The following ROBO1 variants were observed in gnomAD, a reference collection of about 807,000 sequenced individuals.
ROBO1 encodes roundabout homolog 1.
A neutral mutation model predicts 195.9 loss-of-function variants in ROBO1; 149 were observed. The ratio of observed to expected loss-of-function variants is 0.76; its 90% CI spans 0.67 to 0.87. ROBO1 has a LOEUF of 0.87. ROBO1 is among the 40% of genes least tolerant of loss of function. The probability of loss-of-function intolerance (pLI) is 0.00; values close to 1 mark genes in which losing one functional copy is unlikely to be tolerated. For missense variants in ROBO1, 1,933 were observed against 2,068.3 expected (o/e 0.93, Z 1.27); for synonymous variants, 816 against 733.2 (o/e 1.11, Z -1.82).
intron 1 of ROBO1, among the ~76,000 whole-genome samples, chr3:79,717,396 A>T (rs1476631636): frequency 1.3e-5 from 2 of 152,074 alleles, no homozygotes; most frequent in Admixed American, 6.5e-5. Flanking sequence ...AGACAATTGC[A>T]TTTTAGGTTG....
intron 2 of ROBO1, among the ~76,000 whole-genome samples, chr3:79,359,661 C>T (rs191278932): frequency 7.7e-4 from 117 of 151,996 alleles, no homozygotes; most frequent in Admixed American, 2.8e-3. Context: ...AACCAATTAT[C>T]GAAGCCTCAG....
intron 3 of ROBO1, among the ~76,000 whole-genome samples, chr3:78,983,779 G>A (rs979203725): frequency 6.6e-6 from 1 of 152,168 alleles, no homozygotes; most frequent in Admixed American, 6.5e-5. Flanking sequence ...GAGTACTTAA[G>A]TACTTGAGAA....
intron 4 of ROBO1, among the ~76,000 whole-genome samples, chr3:78,857,337 C>T (rs1188015374): frequency 6.6e-6 from 1 of 152,088 alleles, no homozygotes; most frequent in Non-Finnish European, 1.5e-5. Context: ...AATCAGCTGT[C>T]TTAAAAACTT....
chr3:78,984,953 A>G (rs2077073091), intron 3 of ROBO1, among the ~76,000 whole-genome samples: 1 of 152,042 alleles, frequency 6.6e-6, no homozygotes, highest in Non-Finnish European at 1.5e-5. Context: ...CTCCTAGCCT[A>G]CTCATTGTGA....
intron 22 of ROBO1, among the ~76,000 whole-genome samples, chr3:78,638,342 G>A (rs915423597): frequency 6.7e-6 from 1 of 148,922 alleles, no homozygotes; most frequent in Non-Finnish European, 1.5e-5. Flanking sequence ...CACTTAATAT[G>A]TACATATATA....
intron 25 of ROBO1, among the ~76,000 whole-genome samples, chr3:78,628,265 C>G (rs1704944619): frequency 6.6e-6 from 1 of 152,144 alleles, no homozygotes; most frequent in African/African-American, 2.4e-5. Flanking sequence ...AGAAAAATTA[C>G]TCTTAACAAT....
At chr3:78,850,111 A>G (rs556871856) in intron 4 of ROBO1, among the ~76,000 whole-genome samples, 158 of 152,290 alleles carry the variant, frequency 1.0e-3, no homozygotes, top group Non-Finnish European at 1.9e-3. Context: ...GTTCCAGGCT[A>G]TATCACCTAG....
intron 2 of ROBO1, among the ~76,000 whole-genome samples, chr3:79,269,931 A>G (rs889069950): frequency 1.3e-5 from 2 of 151,812 alleles, no homozygotes; most frequent in African/African-American, 2.4e-5. Flanking sequence ...TTTAAATGAT[A>G]CTGAAATAGA....
chr3:78,811,573 G>A (rs1056854577), intron 4 of ROBO1, among the ~76,000 whole-genome samples: 3 of 151,978 alleles, frequency 2.0e-5, no homozygotes, highest in African/African-American at 7.2e-5. Context: ...CCATGTTTTC[G>A]TTTGATGAGC....
rs543096140 is a variant in ROBO1 at position 79,052,383 on chromosome 3, T to A, written c.172+73073A>T. ...ACCCTGTTTCCTGTTAAGATGTTTA[T>A]CAATGACAATGTGTGCTCAGCAGGA... is the stretch of plus-strand genomic sequence containing the variant. On this transcript the variant is annotated intron_variant, in intron 3 of 30. Transcript: ENST00000464233. Among the ~76,000 whole-genome samples, 31 of 152,222 alleles carry A rather than the reference T, an allele frequency of 2.0e-4. No homozygotes were observed. The East Asian group carries it at 5.8e-3, about 29-fold the overall frequency.
At chr3:79,681,301 A>G (rs532881472) in intron 1 of ROBO1, among the ~76,000 whole-genome samples, 1 of 152,100 alleles carries the variant, frequency 6.6e-6, no homozygotes, top group Admixed American at 6.6e-5. Flanking sequence ...CTGGGATATG[A>G]GAGTTACAGA....
At chr3:79,288,788 G>A (rs1261903295) in intron 2 of ROBO1, among the ~76,000 whole-genome samples, 9 of 151,626 alleles carry the variant, frequency 5.9e-5, no homozygotes, top group African/African-American at 1.9e-4. Flanking sequence ...TTTATATCTC[G>A]ACCTTTTTTT....
At chr3:79,188,536 AC>A (rs2108750158) in intron 2 of ROBO1, among the ~76,000 whole-genome samples, 1 of 151,760 alleles carries the variant, frequency 6.6e-6, no homozygotes, top group South Asian at 2.1e-4. Context: ...GTATACATGC[AC>A]CTTTGCACAC....
chr3:78,943,712 C>A (rs1047064338), intron 3 of ROBO1, among the ~76,000 whole-genome samples: 1 of 152,092 alleles, frequency 6.6e-6, no homozygotes, highest in Non-Finnish European at 1.5e-5. Flanking sequence ...TCCCACTGAA[C>A]TTTGCTTCTA....
intron 2 of ROBO1, among the ~76,000 whole-genome samples, chr3:79,251,907 G>T (rs1385836248): frequency 6.6e-6 from 1 of 151,938 alleles, no homozygotes; most frequent in African/African-American, 2.4e-5. Context: ...CCAAGATTGT[G>T]CCATTGCACT....
At chr3:79,367,018 T>A (rs1163502808) in intron 2 of ROBO1, among the ~76,000 whole-genome samples, 1 of 152,188 alleles carries the variant, frequency 6.6e-6, no homozygotes, top group Non-Finnish European at 1.5e-5. Context: ...TTGTAAAGTT[T>A]AAAATCTGCC....
At chr3:79,757,650 G>A (rs1044483780) in intron 1 of ROBO1, among the ~76,000 whole-genome samples, 6 of 152,096 alleles carry the variant, frequency 3.9e-5, no homozygotes, top group African/African-American at 1.2e-4. Flanking sequence ...CTGCATTTCA[G>A]CCTGGGTGAC....
chr3:79,437,870 T>A (rs558188566), intron 2 of ROBO1, among the ~76,000 whole-genome samples: 1 of 151,994 alleles, frequency 6.6e-6, no homozygotes, highest in South Asian at 2.1e-4. Flanking sequence ...ACTTGGTGTT[T>A]GTCTACTTTC....
At chr3:79,044,614 T>C (rs1042426084) in intron 3 of ROBO1, among the ~76,000 whole-genome samples, 2 of 152,144 alleles carry the variant, frequency 1.3e-5, no homozygotes, top group African/African-American at 4.8e-5. Context: ...CCTTACATTA[T>C]TGCCTTTTGT....
Sources: gnomAD v4.1 joint callset for allele counts (sites outside exome capture counted in the v4.1 genomes callset) on GRCh38, gnomAD v4.1.1 for gene constraint, MANE v1.5 for transcripts, NCBI Gene and HGNC (gene_info 2026-07-23, HGNC 2026-07-21) for gene names.